RNF121: variants seen among roughly 807,000 people sequenced by gnomAD.
The protein encoded by RNF121 is ring finger protein 121.
A neutral mutation model predicts 46.5 loss-of-function variants in RNF121; 21 were observed. That is an observed-to-expected ratio of 0.45 (90% confidence interval 0.32 to 0.65). The LOEUF is 0.65. Among genes scored for constraint, RNF121 ranks in the 30% least tolerant of loss-of-function variants. The probability of loss-of-function intolerance (pLI) is 0.04; values close to 1 mark genes in which losing one functional copy is unlikely to be tolerated. For missense variants in RNF121, 346 were observed against 416.0 expected (o/e 0.83, Z 1.46); for synonymous variants, 139 against 144.7 (o/e 0.96, Z 0.28).
intron 1 of RNF121, among the ~76,000 whole-genome samples, chr11:71,938,314 A>ATTTTTTTTTTT (rs71958930): frequency 1.6e-4 from 15 of 94,906 alleles, no homozygotes; most frequent in Admixed American, 2.9e-4. Context: ...TAGTCTCTTA[A>ATTTTTTTTTTT]TTTTTTTTTT....
chr11:71,929,308 C>G (rs1337283440), intron 1 of RNF121, among the ~76,000 whole-genome samples, 184 bp downstream of exon 1: 1 of 149,114 alleles, frequency 6.7e-6, no homozygotes, highest in African/African-American at 2.5e-5. Context: ...CCGAGGCGGC[C>G]TTGGGAGTAG....
At chr11:71,949,477 G>A (rs1314101532) in intron 1 of RNF121, among the ~76,000 whole-genome samples, 1 of 152,098 alleles carries the variant, frequency 6.6e-6, no homozygotes, top group African/African-American at 2.4e-5. Flanking sequence ...CACTTTGGGA[G>A]GCCCAGGCAG....
intron 1 of RNF121, among the ~76,000 whole-genome samples, chr11:71,938,351 G>A (rs981243049): frequency 8.1e-4 from 67 of 83,106 alleles, no homozygotes; most frequent in African/African-American, 2.5e-3. Context: ...ACAGAGTTTC[G>A]CTCTTGTTGC....
chr11:71,982,906 C>G lies in RNF121; in HGVS notation c.389C>G (p.Thr130Arg). The change falls in exon 4 of 9, where the codon ACA becomes AGA. Residue 130 changes from threonine to arginine, a missense_variant. Thr to Arg is a moderately conservative substitution (Grantham distance 71, BLOSUM62 -1). Around this residue, in one of 2 missense-constraint regions of RNF121, gnomAD observed 286 missense variants for 383.8 expected, o/e 0.75. Coordinates refer to ENST00000361756, the MANE Select transcript of RNF121 (RefSeq NM_018320.5). ...GCCACCCGAAAACCTCTAGTACAGA[C>G]AACCCCAAGGTGAGAGTTTAAGTAG... is the stretch of plus-strand genomic sequence containing the variant. The part of the protein sequence containing the change: ...FRATRKPLVQ[T>R]TPRLVYKWFL... The G allele has an allele frequency of 6.2e-7, 1 of 1,608,722 alleles. No homozygotes were observed. The highest frequency in any genetic ancestry group is 2.2e-5 in the East Asian group (1 of 44,602).
chr11:71,948,513 CAAAAA>C (rs55762433), intron 1 of RNF121, among the ~76,000 whole-genome samples: 1 of 35,342 alleles, frequency 2.8e-5, no homozygotes. Context: ...AAACTGTCTC[CAAAAA>C]AAAAAAAAAA....
chr11:71,929,215 G>A lies in RNF121; in HGVS notation c.63+91G>A, dbSNP rs960184045. 15 of 1,483,396 alleles carry A rather than the reference G, an allele frequency of 1.0e-5. No homozygotes were observed. In the African/African-American group the frequency reaches 1.1e-4, roughly 11 times the overall value. 91.9% of individuals were successfully genotyped at this position (1,483,396 alleles called of 1,614,324 possible). A position where few individuals can be genotyped will look rare whatever the true frequency, so the allele number is the denominator to read the frequency against. On this transcript the variant is annotated intron_variant, in intron 1 of 8. Transcript: ENST00000361756. Reference sequence around the variant, plus strand: ...GGGAGGTGGGGGTCTTAGGAGAGAAGGGAAAGATCCTGAGAGGGAAGGAGC... The same window carrying A: ...GGGAGGTGGGGGTCTTAGGAGAGAAAGGAAAGATCCTGAGAGGGAAGGAGC...
intron 2 of RNF121, 117 bp from the exon 3 acceptor site, chr11:71,960,633 G>A: frequency 8.3e-7 from 1 of 1,200,898 alleles, no homozygotes; most frequent in South Asian, 1.5e-5. Context: ...GTACCCTGCA[G>A]CTATGAAGCA....
chr11:71,952,881 T>G (rs1953916333), intron 1 of RNF121, among the ~76,000 whole-genome samples: 2 of 152,220 alleles, frequency 1.3e-5, no homozygotes, highest in African/African-American at 4.8e-5. Flanking sequence ...CCTCAAATAC[T>G]TAACATTTTT....
intron 6 of RNF121, among the ~76,000 whole-genome samples, chr11:71,992,951 C>T (rs1183816784): frequency 6.6e-6 from 1 of 152,134 alleles, no homozygotes; most frequent in Admixed American, 6.5e-5. Flanking sequence ...TGTCATCCCC[C>T]AAGACCCCAC....
rs1270708155 is a variant in RNF121, at chr11:71,994,872, T to G, written c.761+20T>G. 6.2e-7 allele frequency: 1 copy of G among 1,614,084 alleles called. No homozygotes were observed. Among genetic ancestry groups the G allele is most frequent in the East Asian group, 2.2e-5 (1 of 44,882 alleles). On this transcript the variant is annotated intron_variant, in intron 7 of 8. Transcript: ENST00000361756. ...TCATGTGTATCCTGCCTCGAGCTCC[T>G]GGGCCACATCTCTCCTGCAATCTGC... is the stretch of plus-strand genomic sequence containing the variant.
At chr11:71,988,977 A>G (rs2134214785) in intron 5 of RNF121, among the ~76,000 whole-genome samples, 1 of 152,384 alleles carries the variant, frequency 6.6e-6, no homozygotes, top group African/African-American at 2.4e-5. Flanking sequence ...CTTGTCAAAG[A>G]AAACAGATAT....
At chr11:71,946,485 C>T (rs1003499799) in intron 1 of RNF121, among the ~76,000 whole-genome samples, 3 of 152,144 alleles carry the variant, frequency 2.0e-5, no homozygotes, top group Non-Finnish European at 2.9e-5. Context: ...TGTCACCCTC[C>T]ACAGAGTAGC....
At chr11:71,981,100 G>A (rs902661357) in intron 3 of RNF121, among the ~76,000 whole-genome samples, 41 of 151,864 alleles carry the variant, frequency 2.7e-4, no homozygotes, top group Admixed American at 3.3e-4. Flanking sequence ...CCAGGCTGGA[G>A]TGCAGTGGTG....
At chr11:71,956,972 A>T (rs1270873784) in intron 1 of RNF121, among the ~76,000 whole-genome samples, 1 of 152,190 alleles carries the variant, frequency 6.6e-6, no homozygotes, top group East Asian at 1.9e-4. Flanking sequence ...TTTGGAGTTA[A>T]GGATTCTTGT....
chr11:71,982,162 A>G (rs1308735731), intron 3 of RNF121, among the ~76,000 whole-genome samples: 1 of 151,812 alleles, frequency 6.6e-6, no homozygotes, highest in Non-Finnish European at 1.5e-5. Flanking sequence ...AGAATGTTGG[A>G]TCCTCTCTAC....
chr11:71,981,215 A>ATT lies in RNF121; in HGVS notation c.244-1539_244-1538dup, dbSNP rs33992126. ...AGGTGCCTGCCACCACACCCGGCTAATTTTTTTTGTATTTTTAGTAGAGAC... is the reference window on the plus strand; with the variant it reads ...AGGTGCCTGCCACCACACCCGGCTAATTTTTTTTTTGTATTTTTAGTAGAGAC... On this transcript the variant is annotated intron_variant, in intron 3 of 8. Transcript: ENST00000361756. 5.9e-5 allele frequency among the ~76,000 whole-genome samples: 9 copies of ATT among 151,360 alleles called. 1 individual carries two copies. The South Asian group carries it at 1.0e-3, about 18-fold the overall frequency.
intron 4 of RNF121, among the ~76,000 whole-genome samples, chr11:71,984,745 A>ATTTTTTTTTTTTTTT (rs56134788): frequency 3.9e-4 from 37 of 94,864 alleles, no homozygotes; most frequent in African/African-American, 1.4e-3. Flanking sequence ...CACCCGGCTA[A>ATTTTTTTTTTTTTTT]TTTTTTTTTT....
chr11:71,973,461 A>C (rs1954462433), intron 3 of RNF121, among the ~76,000 whole-genome samples: 1 of 152,096 alleles, frequency 6.6e-6, no homozygotes, highest in East Asian at 1.9e-4. Context: ...ACTGCACTCC[A>C]GCCTGGGCAA....
chr11:71,931,333 T>C (rs1047986798), intron 1 of RNF121, among the ~76,000 whole-genome samples: 1 of 152,208 alleles, frequency 6.6e-6, no homozygotes, highest in Non-Finnish European at 1.5e-5. Context: ...AGGTATAATC[T>C]GTTGTCTGGA....
Sources: gnomAD v4.1 joint callset for allele counts (sites outside exome capture counted in the v4.1 genomes callset) on GRCh38, gnomAD v4.1.1 for gene constraint, gnomAD v4.1.1 regional missense constraint, MANE v1.5 for transcripts, NCBI Gene and HGNC (gene_info 2026-07-23, HGNC 2026-07-21) for gene names.